CALCRL: variants seen among roughly 807,000 people sequenced by gnomAD.
CALCRL encodes the protein calcitonin gene-related peptide type 1 receptor.
In CALCRL, 27 loss-of-function variants were observed where a neutral mutation model predicts 60.4. The observed-to-expected ratio is 0.45, with a 90% confidence interval of 0.33 to 0.62. CALCRL has a LOEUF of 0.62. Among genes scored for constraint, CALCRL ranks in the 20% least tolerant of loss-of-function variants. The pLI, the probability that CALCRL is intolerant of heterozygous loss-of-function variation, is 0.03. For synonymous variants in CALCRL, 190 were observed against 182.6 expected (o/e 1.04, Z -0.33); for missense variants, 424 against 540.7 (o/e 0.78, Z 2.14).
chr2:187,367,297 A>G (rs1453051378), intron 8 of CALCRL, among the ~76,000 whole-genome samples: 4 of 152,250 alleles, frequency 2.6e-5, no homozygotes, highest in Admixed American at 2.6e-4. Flanking sequence ...GACCATCGCC[A>G]CATCATTTCA....
intron 1 of CALCRL, among the ~76,000 whole-genome samples, chr2:187,423,181 A>G (rs974275266): frequency 1.2e-4 from 18 of 152,064 alleles, no homozygotes; most frequent in Non-Finnish European, 2.6e-4. Flanking sequence ...CTGACTGCAA[A>G]GAAATAGACC....
chr2:187,393,542 G>A (rs934196975), intron 1 of CALCRL, among the ~76,000 whole-genome samples: 1 of 151,998 alleles, frequency 6.6e-6, no homozygotes, highest in Non-Finnish European at 1.5e-5. Flanking sequence ...ATTTCTTTAT[G>A]TGTCTCTGCC....
intron 1 of CALCRL, among the ~76,000 whole-genome samples, chr2:187,391,233 C>T (rs1215487950): frequency 2.0e-5 from 3 of 152,158 alleles, no homozygotes. Flanking sequence ...GTACTTCTCT[C>T]TATATATTTA....
chr2:187,420,709 G>A (rs1172421293), intron 1 of CALCRL, among the ~76,000 whole-genome samples: 1 of 152,174 alleles, frequency 6.6e-6, no homozygotes, highest in Non-Finnish European at 1.5e-5. Context: ...TCTTCTGAGA[G>A]TAGAGGTGTA....
At chr2:187,358,925 A>C in intron 12 of CALCRL, 138 bp downstream of exon 12, 3 of 752,348 alleles carry the variant, frequency 4.0e-6, no homozygotes, top group East Asian at 4.9e-5. Flanking sequence ...ACCTTCACTA[A>C]ACGCTATTCA....
intron 8 of CALCRL, among the ~76,000 whole-genome samples, chr2:187,375,871 A>T (rs184189484): frequency 6.6e-6 from 1 of 152,340 alleles, no homozygotes; most frequent in African/African-American, 2.4e-5. Flanking sequence ...ATATCAGTTG[A>T]ACAGTATTTG....
At chr2:187,381,401 G>A (rs192038023) in intron 5 of CALCRL, among the ~76,000 whole-genome samples, 11 of 151,940 alleles carry the variant, frequency 7.2e-5, no homozygotes, top group Admixed American at 3.3e-4. Flanking sequence ...TTTTTAAGGC[G>A]TAGGTAAATT....
Position 187,346,373 on chromosome 2 carries a change from C to G in CALCRL, c.1197G>C (p.Trp399Cys). Reference protein sequence around the residue: ...GEVQAILRRNWNQYKIQFGNS... With the variant: ...GEVQAILRRNCNQYKIQFGNS... ...TTCCAAATTGGATTTTGTATTGATT[C>G]CAGTTTCTTCTCAGAATTGCTTGAA... Residue 399 changes from tryptophan (W) to cysteine (C), a missense_variant, in exon 15 of 15, where the codon TGG becomes TGC. By Grantham distance (215) the Trp-to-Cys change is radical. Transcript: ENST00000392370. 1.2e-6 allele frequency: 2 copies of G among 1,611,164 alleles called. No individual in the cohort carries two copies. The highest frequency in any genetic ancestry group is 1.7e-6 in the Non-Finnish European group (2 of 1,178,324).
At chr2:187,394,288 G>A (rs886633307) in intron 1 of CALCRL, among the ~76,000 whole-genome samples, 1 of 152,048 alleles carries the variant, frequency 6.6e-6, no homozygotes, top group African/African-American at 2.4e-5. Context: ...TATGGAGGCA[G>A]GTTCTCCCCC....
Position 187,366,823 on chromosome 2 carries a change from C to T in CALCRL, c.501-3321G>A, listed in dbSNP as rs182428458. Among the ~76,000 whole-genome samples the T allele has an allele frequency of 2.0e-3, 304 of 149,942 alleles. 1 individual carries two copies. The highest frequency in any genetic ancestry group is 6.6e-3 in the African/African-American group (271 of 40,804). On this transcript the variant is annotated intron_variant, in intron 8 of 14. Transcript: ENST00000392370. The stretch of plus-strand genomic sequence containing the variant: ...CCTCTCAGAATTCCATTTTTTTTAC[C>T]CTGCTCCCACCTCAATTTGTCTTGA...
chr2:187,374,335 C>G (rs1479667066), intron 8 of CALCRL, among the ~76,000 whole-genome samples: 1 of 152,168 alleles, frequency 6.6e-6, no homozygotes, highest in Non-Finnish European at 1.5e-5. Flanking sequence ...TTTTGCTTCT[C>G]TCTTTTCAAA....
chr2:187,382,433 A>G (rs537800966), intron 5 of CALCRL, among the ~76,000 whole-genome samples: 20 of 152,384 alleles, frequency 1.3e-4, no homozygotes, highest in African/African-American at 4.3e-4. Flanking sequence ...ATCTACTTTT[A>G]CATAATATAC....
intron 1 of CALCRL, among the ~76,000 whole-genome samples, chr2:187,433,865 A>C (rs1193995319): frequency 6.6e-6 from 1 of 152,084 alleles, no homozygotes; most frequent in Non-Finnish European, 1.5e-5. Flanking sequence ...TGAATTAAAA[A>C]ATGAGGAATT....
At chr2:187,425,300 A>G (rs543111591) in intron 1 of CALCRL, among the ~76,000 whole-genome samples, 1 of 151,970 alleles carries the variant, frequency 6.6e-6, no homozygotes, top group Non-Finnish European at 1.5e-5. Context: ...AAAGCAAGCT[A>G]TTTGCTAATA....
intron 1 of CALCRL, among the ~76,000 whole-genome samples, chr2:187,395,059 A>C (rs907957100): frequency 1.3e-5 from 2 of 152,048 alleles, no homozygotes. Context: ...TATTTTCTGT[A>C]TCCCTCTATA....
intron 14 of CALCRL, among the ~76,000 whole-genome samples, chr2:187,350,510 TG>T (rs1297307872): frequency 6.7e-6 from 1 of 149,068 alleles, no homozygotes; most frequent in Admixed American, 6.7e-5. Flanking sequence ...ACCACTTAAA[TG>T]TATGAAATAT....
chr2:187,412,910 A>G (rs1158956888), intron 1 of CALCRL, among the ~76,000 whole-genome samples: 2 of 152,154 alleles, frequency 1.3e-5, no homozygotes, highest in African/African-American at 4.8e-5. Flanking sequence ...TATAGTTACT[A>G]TGGATCATAA....
intron 1 of CALCRL, among the ~76,000 whole-genome samples, chr2:187,425,632 A>G (rs1054288576): frequency 4.6e-5 from 7 of 152,012 alleles, no homozygotes; most frequent in African/African-American, 1.7e-4. Flanking sequence ...TATTTTCATG[A>G]TAAGAAAAAA....
chr2:187,427,271 A>G (rs1393909535), intron 1 of CALCRL, among the ~76,000 whole-genome samples: 1 of 152,200 alleles, frequency 6.6e-6, no homozygotes, highest in East Asian at 1.9e-4. Context: ...TTTCTGTAAA[A>G]GAAGCTGTTT....
Sources: gnomAD v4.1 joint callset for allele counts (sites outside exome capture counted in the v4.1 genomes callset) on GRCh38, gnomAD v4.1.1 for gene constraint, MANE v1.5 for transcripts, NCBI Gene and HGNC (gene_info 2026-07-23, HGNC 2026-07-21) for gene names.